The following PLXDC1 variants were observed in gnomAD, a reference collection of about 807,000 sequenced individuals.
The protein encoded by PLXDC1 is plexin domain containing 1, also known as plexin domain-containing protein 1.
A neutral mutation model predicts 61.3 loss-of-function variants in PLXDC1; 39 were observed. That is an observed-to-expected ratio of 0.64 (90% confidence interval 0.49 to 0.83). The LOEUF (loss-of-function observed/expected upper bound fraction) is 0.83. Ranked by LOEUF, PLXDC1 falls within the 40% of genes least tolerant of loss-of-function variation. The pLI is 0.00. For missense variants in PLXDC1, 596 were observed against 666.5 expected, an observed-to-expected ratio of 0.89 and a Z score of 1.17; for synonymous variants, 212 against 254.5, an observed-to-expected ratio of 0.83 and a Z score of 1.59.
chr17:39,136,314 C>A (rs1911751168), intron 2 of PLXDC1, among the ~76,000 whole-genome samples: 1 of 151,868 alleles, frequency 6.6e-6, no homozygotes, highest in African/African-American at 2.4e-5. Flanking sequence ...AAGATGGCAC[C>A]AAAACTCAGG....
rs1282874878 is a variant in PLXDC1 at position 39,105,945 on chromosome 17, CAT to C, written c.718_719del (p.Met240ValfsTer39). ...GGGAGGAGCTGATTTCCGGGACAGA[CAT>C]AGGGATCTGCGGCAGGGAGAAGAGA... ...RIVFAYKEIP[M>X]SVPEISSSQH... On this transcript the variant is annotated frameshift_variant, in exon 7 of 14. Transcript: ENST00000315392. LOFTEE classifies it high-confidence loss of function. The C allele has an allele frequency of 3.1e-6, 5 of 1,612,750 alleles. No individual in the cohort carries two copies. The African/African-American group carries it at 5.3e-5, about 17-fold the overall frequency.
At chr17:39,089,442 C>A (rs1909868319) in intron 7 of PLXDC1, among the ~76,000 whole-genome samples, 1 of 152,184 alleles carries the variant, frequency 6.6e-6, no homozygotes. Context: ...AATGAAGCCA[C>A]CTCATGGAGA....
In PLXDC1 at chr17:39,151,431, C is replaced by T. The variant is rs1597664811; in HGVS notation, c.7G>A (p.Gly3Ser). The change falls in exon 1 of 14, where the codon GGC becomes AGC. Residue 3 changes from glycine (G) to serine (S), a missense_variant. Physicochemically the swap from Gly to Ser is moderately conservative, Grantham distance 56 (BLOSUM62 0). Coordinates refer to ENST00000315392, the MANE Select transcript of PLXDC1 (RefSeq NM_020405.5). This position sits in a 1 kb window ranked among gnomAD's most constrained non-coding sequence, Gnocchi z 5.2. ...ACCAGCACCAGGAGCCAGAGCTCGC[C>T]TCGCATGGTGGGTGCCCGGACCTGC... is the stretch of plus-strand genomic sequence containing the variant. MR[G>S]ELWLLVLVLR... The T allele has an allele frequency of 1.6e-6, 2 of 1,288,426 alleles. No homozygotes were observed. The highest frequency in any genetic ancestry group is 1.5e-5 in the African/African-American group (1 of 65,080). The allele number at this position is 1,288,426 out of a possible 1,614,324, so 79.8% of individuals were successfully genotyped here.
At position 39,063,748 on chromosome 17, in the gene PLXDC1, C is replaced by T. The variant is rs1908794566; in HGVS notation, c.*4092G>A. ...GATCTTTGAATTCTACCATTAAGTT[C>T]AGGTAGGTTTTTGGAGACAGAGATT... On this transcript the variant is annotated 3_prime_UTR_variant, in exon 14 of 14. Transcript: ENST00000315392. 1 of 464,714 alleles carries T rather than the reference C, an allele frequency of 2.2e-6. No homozygotes were observed. Among genetic ancestry groups the T allele is most frequent in the Non-Finnish European group, 3.8e-6 (1 of 260,584 alleles). The allele number at this position is 464,714 out of a possible 1,614,324, so 28.8% of individuals were successfully genotyped here.
chr17:39,087,018 G>T lies in PLXDC1; in HGVS notation c.907+589C>A, dbSNP rs573089792. On this transcript the variant is annotated intron_variant, in intron 8 of 13. Transcript: ENST00000315392. ...GAAGGAAGATGCTGTACTCCTTCCC[G>T]CAGTCTCAGCTGTCCCAGCCCCATC... Among the ~76,000 whole-genome samples the T allele has an allele frequency of 2.6e-5, 4 of 152,276 alleles. No individual in the cohort carries two copies. In the East Asian group the frequency reaches 7.7e-4, roughly 29 times the overall value.
At chr17:39,110,868 G>T (rs574012055) in intron 2 of PLXDC1, among the ~76,000 whole-genome samples, 2 of 152,304 alleles carry the variant, frequency 1.3e-5, no homozygotes, top group South Asian at 4.1e-4. Flanking sequence ...GAAGAAGCAT[G>T]GTTGGTTGGT....
upstream of PLXDC1, chr17:39,152,460 TA>T: frequency 9.0e-7 from 1 of 1,113,668 alleles, no homozygotes; most frequent in Non-Finnish European, 1.1e-6. Flanking sequence ...CAGGACAGAA[TA>T]AAAATACCCG....
At chr17:39,139,541 G>A (rs889837355) in intron 2 of PLXDC1, 113 bp downstream of exon 2, 1 of 1,040,280 alleles carries the variant, frequency 9.6e-7, no homozygotes, top group Non-Finnish European at 1.4e-6. Context: ...CTGTCCTCCG[G>A]GGCCAACCCC....
intron 7 of PLXDC1, among the ~76,000 whole-genome samples, chr17:39,094,862 C>T (rs915371104): frequency 6.6e-6 from 1 of 152,288 alleles, no homozygotes; most frequent in South Asian, 2.1e-4. Flanking sequence ...CATGCCGCCT[C>T]CTAAGCTAGA....
intron 12 of PLXDC1, 76 bp downstream of exon 12, chr17:39,072,374 G>A (rs1358997285): frequency 4.0e-6 from 4 of 995,808 alleles, no homozygotes; most frequent in African/African-American, 1.6e-5. Context: ...TAGCCCAGGC[G>A]ACTGCTGCAC....
intron 13 of PLXDC1, 112 bp from the exon 14 acceptor site, chr17:39,068,071 A>C: frequency 4.1e-6 from 4 of 968,500 alleles, no homozygotes; most frequent in Non-Finnish European, 6.1e-6. Flanking sequence ...GCCCTGGGGC[A>C]CTTGGGCCTA....
intron 7 of PLXDC1, among the ~76,000 whole-genome samples, chr17:39,088,942 T>A (rs1439275104): frequency 6.7e-4 from 5 of 7,434 alleles, no homozygotes; most frequent in African/African-American, 2.8e-3. Flanking sequence ...AGAGCAAGAC[T>A]GAAAAAAAAA....
intron 8 of PLXDC1, among the ~76,000 whole-genome samples, chr17:39,085,468 A>G (rs530680484): frequency 9.7e-4 from 147 of 152,262 alleles, no homozygotes; most frequent in African/African-American, 3.4e-3. Context: ...TGTTATCCCC[A>G]TTTTATGGAG....
At chr17:39,116,356 C>T (rs547053012) in intron 2 of PLXDC1, among the ~76,000 whole-genome samples, 3 of 152,246 alleles carry the variant, frequency 2.0e-5, no homozygotes, top group African/African-American at 4.8e-5. Context: ...ACCTCCCTAG[C>T]GCAGGGGTTG....
intron 2 of PLXDC1, among the ~76,000 whole-genome samples, chr17:39,127,451 G>A (rs1424605745): frequency 6.6e-6 from 1 of 152,002 alleles, no homozygotes; most frequent in Non-Finnish European, 1.5e-5. Context: ...GGACATTACC[G>A]CACAACACCT....
intron 11 of PLXDC1, among the ~76,000 whole-genome samples, chr17:39,076,023 A>G (rs1909314234): frequency 6.8e-6 from 1 of 147,364 alleles, no homozygotes; most frequent in Admixed American, 7.3e-5. Context: ...GGTTGCAGTG[A>G]GCTGGGATTG....
At chr17:39,127,473 C>A (rs1911344791) in intron 2 of PLXDC1, among the ~76,000 whole-genome samples, 1 of 152,168 alleles carries the variant, frequency 6.6e-6, no homozygotes, top group Admixed American at 6.6e-5. Flanking sequence ...TGCAATAACA[C>A]TTCAGACAAT....
intron 7 of PLXDC1, among the ~76,000 whole-genome samples, chr17:39,103,594 C>G (rs948939735): frequency 2.6e-5 from 4 of 151,716 alleles, no homozygotes; most frequent in Non-Finnish European, 4.4e-5. Context: ...TCCTGTAATC[C>G]CAGCACTTTG....
chr17:39,147,611 G>A (rs550512320), intron 1 of PLXDC1, among the ~76,000 whole-genome samples: 1 of 151,472 alleles, frequency 6.6e-6, no homozygotes, highest in Non-Finnish European at 1.5e-5. Flanking sequence ...CTGGGGAGAG[G>A]GAAGGAGTCA....
Sources: allele counts gnomAD v4.1 joint callset (sites outside exome capture counted in the v4.1 genomes callset), GRCh38; gene constraint gnomAD v4.1.1; non-coding constraint Gnocchi (gnomAD v3.1); transcripts MANE v1.5; gene names NCBI Gene and HGNC (gene_info 2026-07-23, HGNC 2026-07-21).